The following TTLL11 variants were observed in gnomAD, a reference collection of about 807,000 sequenced individuals.
TTLL11 encodes tubulin tyrosine ligase like 11, also known as tubulin polyglutamylase TTLL11.
Under a neutral mutation model 51.7 loss-of-function variants are expected in TTLL11, and 42 were observed. The observed-to-expected ratio is 0.81, with a 90% CI of 0.64 to 1.05. The LOEUF is 1.05. Ranked by LOEUF, TTLL11 falls within the 50% of genes least tolerant of loss-of-function variation. The pLI is 0.00. For synonymous variants in TTLL11, 381 were observed against 383.5 expected, an observed-to-expected ratio of 0.99 and a Z score of 0.08; for missense variants, 799 against 940.4, an observed-to-expected ratio of 0.85 and a Z score of 1.97.
At chr9:121,960,891 C>T (rs1277247216) in intron 6 of TTLL11, among the ~76,000 whole-genome samples, 10 of 152,122 alleles carry the variant, frequency 6.6e-5, no homozygotes, top group African/African-American at 2.4e-5. Flanking sequence ...GGGGTGGATC[C>T]TCCTGCTCTG....
At chr9:122,088,399 T>A (rs920910522) in intron 1 of TTLL11, among the ~76,000 whole-genome samples, 1 of 152,200 alleles carries the variant, frequency 6.6e-6, no homozygotes, top group African/African-American at 2.4e-5. Flanking sequence ...CACATCTACA[T>A]CTGCGACCTC....
At chr9:121,943,996 A>C (rs1841579993) in intron 6 of TTLL11, among the ~76,000 whole-genome samples, 1 of 152,262 alleles carries the variant, frequency 6.6e-6, no homozygotes, top group Admixed American at 6.5e-5. Flanking sequence ...ACAGTGAGAG[A>C]GTCAAAACCC....
intron 6 of TTLL11, among the ~76,000 whole-genome samples, chr9:121,917,641 G>C (rs530455680): frequency 1.4e-5 from 2 of 141,154 alleles, no homozygotes; most frequent in Admixed American, 1.4e-4. Flanking sequence ...GGAGGGAAGG[G>C]AGGGAAGGAA....
At chr9:121,877,931 C>T (rs879443918) in intron 6 of TTLL11, among the ~76,000 whole-genome samples, 3 of 152,072 alleles carry the variant, frequency 2.0e-5, no homozygotes, top group Admixed American at 1.3e-4. Context: ...AGAGTCAGGC[C>T]GGTTATTTGT....
At chr9:121,946,706 A>G (rs1841682322) in intron 6 of TTLL11, among the ~76,000 whole-genome samples, 1 of 152,176 alleles carries the variant, frequency 6.6e-6, no homozygotes, top group East Asian at 1.9e-4. Flanking sequence ...CGTGATTTGC[A>G]TATTTGAATC....
chr9:121,831,047 C>T (rs958454141), intron 8 of TTLL11, among the ~76,000 whole-genome samples: 14 of 152,120 alleles, frequency 9.2e-5, no homozygotes, highest in African/African-American at 3.1e-4. Flanking sequence ...GGATATGGTC[C>T]GAGGGTAGTG....
rs1415832973 is a variant in TTLL11 at position 122,092,915 on chromosome 9, G to T, written c.234C>A (p.Thr78=). The change falls in exon 1 of 9, where the codon ACC becomes ACA. Residue 78 remains threonine (T), a synonymous_variant. Coordinates refer to ENST00000321582, the MANE Select transcript of TTLL11 (RefSeq NM_001139442.2). ...TGGGCGGCGGCCGCTGAAGGACCTG[G>T]GTGTTCCCCTCCTCAGCCGCACTGG... The part of the protein sequence containing the change: ...AQPSAAEEGN[T]QVLQRPPPTL... The T allele has an allele frequency of 1.3e-6, 2 of 1,578,706 alleles. No individual in the cohort carries two copies. Among genetic ancestry groups the T allele is most frequent in the Non-Finnish European group, 8.5e-7 (1 of 1,170,264 alleles).
intron 6 of TTLL11, among the ~76,000 whole-genome samples, chr9:121,934,160 G>C (rs1312090817): frequency 6.6e-6 from 1 of 152,066 alleles, no homozygotes; most frequent in Non-Finnish European, 1.5e-5. Flanking sequence ...TTGAACCCGG[G>C]AGGTGGAGGT....
intron 8 of TTLL11, among the ~76,000 whole-genome samples, chr9:121,851,992 A>C (rs953165690): frequency 6.6e-6 from 1 of 152,140 alleles, no homozygotes; most frequent in Admixed American, 6.5e-5. Context: ...CGGGGCTCAC[A>C]TCTTCATGTG....
chr9:122,063,755 G>T (rs1010903390), intron 1 of TTLL11, among the ~76,000 whole-genome samples: 3 of 152,138 alleles, frequency 2.0e-5, no homozygotes, highest in African/African-American at 4.8e-5. Context: ...ATCCCAGTTT[G>T]CCCAGGACTG....
intron 6 of TTLL11, among the ~76,000 whole-genome samples, chr9:121,873,232 G>A (rs776442635): frequency 7.9e-5 from 12 of 152,192 alleles, no homozygotes; most frequent in Non-Finnish European, 1.5e-4. Context: ...ACAGTAGACT[G>A]TTATGACTAT....
intron 8 of TTLL11, among the ~76,000 whole-genome samples, chr9:121,845,195 G>A (rs1185214045): frequency 6.6e-6 from 1 of 152,086 alleles, no homozygotes; most frequent in African/African-American, 2.4e-5. Context: ...ATGCCTTAAG[G>A]ACAAGAATTA....
chr9:121,826,533 G>GTATATATATATATATA (rs1564260517), intron 8 of TTLL11, among the ~76,000 whole-genome samples: 5,265 of 50,892 alleles, frequency 0.1, 455 homozygotes, highest in East Asian at 0.35. Context: ...ATATATGTGT[G>GTATATATATATATATA]TGTGTATATA....
At chr9:121,978,854 A>C (rs1239763151) in intron 4 of TTLL11, among the ~76,000 whole-genome samples, 2 of 152,090 alleles carry the variant, frequency 1.3e-5, no homozygotes, top group East Asian at 3.9e-4. Context: ...AGTATCCCCA[A>C]CTGGGAGGTC....
chr9:121,860,259 G>A (rs1182008203), intron 8 of TTLL11, 78 bp downstream of exon 8: 2 of 1,137,334 alleles, frequency 1.8e-6, no homozygotes, highest in Non-Finnish European at 2.5e-6. Flanking sequence ...CTGAACCCTT[G>A]ACAAGAAGGA....
rs116300909 is a variant in TTLL11, at chr9:121,983,908, C to T, written c.1269+5287G>A. On this transcript the variant is annotated intron_variant, in intron 4 of 8. Coordinates refer to ENST00000321582, the MANE Select transcript of TTLL11 (RefSeq NM_001139442.2). Reference sequence around the variant, plus strand: ...GGTGCCCAGGGAATGTGTTAGAGTCCAAAGGAAGAAAAAGCTGAAATATCA... The same window carrying T: ...GGTGCCCAGGGAATGTGTTAGAGTCTAAAGGAAGAAAAAGCTGAAATATCA... Among the ~76,000 whole-genome samples, 1,161 of 152,046 alleles carry T rather than the reference C, an allele frequency of 7.6e-3. 15 individuals are homozygous for T. The highest frequency in any genetic ancestry group is 0.027 in the African/African-American group (1,121 of 41,448).
intron 6 of TTLL11, among the ~76,000 whole-genome samples, chr9:121,882,934 G>T (rs542667512): frequency 3.9e-5 from 6 of 152,252 alleles, no homozygotes; most frequent in South Asian, 2.1e-4. Flanking sequence ...GCCAGAAATA[G>T]AATCCATTTT....
chr9:122,068,831 GA>G (rs1311844056), intron 1 of TTLL11, among the ~76,000 whole-genome samples: 2 of 152,154 alleles, frequency 1.3e-5, no homozygotes, highest in Non-Finnish European at 2.9e-5. Context: ...CAGCCAGTGG[GA>G]TGGGACAGAA....
chr9:122,012,774 TATC>T (rs993910895), intron 3 of TTLL11, among the ~76,000 whole-genome samples: 2 of 152,300 alleles, frequency 1.3e-5, no homozygotes, highest in African/African-American at 4.8e-5. Flanking sequence ...CTAAGTGATC[TATC>T]ATCATATAAT....
Sources: gnomAD v4.1 joint callset for allele counts (sites outside exome capture counted in the v4.1 genomes callset) on GRCh38, gnomAD v4.1.1 for gene constraint, MANE v1.5 for transcripts, NCBI Gene and HGNC (gene_info 2026-07-23, HGNC 2026-07-21) for gene names.